The following TUBA1C variants were observed in gnomAD, a reference collection of about 807,000 sequenced individuals.
TUBA1C encodes tubulin alpha 1c.
A neutral mutation model predicts 34.9 loss-of-function variants in TUBA1C; 16 were observed. The ratio of observed to expected loss-of-function variants is 0.46; its 90% CI spans 0.31 to 0.70. The LOEUF (loss-of-function observed/expected upper bound fraction) is 0.70. Ranked by LOEUF, TUBA1C falls within the 30% of genes least tolerant of loss-of-function variation. The pLI is 0.05. For synonymous variants in TUBA1C, 177 were observed against 215.9 expected (o/e 0.82, Z 1.58); for missense variants, 329 against 587.3 (o/e 0.56, Z 4.55).
intron 1 of TUBA1C, 29 bp from the exon 2 acceptor site, chr12:49,269,436 C>A: frequency 6.2e-7 from 1 of 1,613,624 alleles, no homozygotes; most frequent in East Asian, 2.2e-5. Context: ...TGTATTATAC[C>A]CTGACATTTT....
upstream of TUBA1C, chr12:49,265,042 G>A: frequency 1.6e-6 from 2 of 1,217,786 alleles, no homozygotes; most frequent in East Asian, 3.1e-5. Flanking sequence ...CGTGGCCGGG[G>A]ACCGGGTATA....
At chr12:49,234,436 T>G (rs145012940) in intron 1 of TUBA1C, among the ~76,000 whole-genome samples, 2 of 152,362 alleles carry the variant, frequency 1.3e-5, no homozygotes, top group East Asian at 1.9e-4. Context: ...CAGAGTAGGC[T>G]TCCAGGTTTC....
At chr12:49,228,894 T>C (rs1025118560) in intron 1 of TUBA1C, among the ~76,000 whole-genome samples, 2 of 152,106 alleles carry the variant, frequency 1.3e-5, no homozygotes, top group Non-Finnish European at 2.9e-5. Context: ...ACTCTGCAGA[T>C]AAGGAAACTA....
intron 1 of TUBA1C, among the ~76,000 whole-genome samples, chr12:49,249,217 C>T (rs984023264): frequency 7.9e-5 from 12 of 152,190 alleles, no homozygotes; most frequent in African/African-American, 2.9e-4. Context: ...CCCCTGAGGT[C>T]GGGAGTTTGA....
Position 49,272,952 on chromosome 12 carries a change from C to T in TUBA1C, c.1075C>T (p.Pro359Ser). 2 of 1,614,216 alleles carry T rather than the reference C, an allele frequency of 1.2e-6. No individual in the cohort carries two copies. The highest frequency in any genetic ancestry group is 1.7e-6 in the Non-Finnish European group (2 of 1,180,048). The change falls in exon 4 of 4, where the codon CCT becomes TCT. Residue 359 changes from proline (P) to serine (S), a missense_variant. Around this residue, in one of 4 missense-constraint regions of TUBA1C, gnomAD observed 140 missense variants for 289.8 expected, o/e 0.48. Coordinates refer to ENST00000301072, the MANE Select transcript of TUBA1C (RefSeq NM_032704.5). ...TGFKVGINYQ[P>S]PTVVPGGDLA... ...CTTCAAGGTTGGCATTAATTACCAG[C>T]CTCCCACTGTGGTGCCTGGCGGAGA...
At chr12:49,270,231 T>C in intron 3 of TUBA1C, 1 of 651,100 alleles carries the variant, frequency 1.5e-6, no homozygotes, top group East Asian at 2.9e-5. Context: ...TTAGTCATAC[T>C]GAGTGAGTAG....
chr12:49,232,772 C>G (rs1482048011), intron 1 of TUBA1C: 1 of 152,118 alleles, frequency 6.6e-6, no homozygotes, highest in Non-Finnish European at 1.5e-5. Context: ...AAGTACAATC[C>G]CAAACACTCT....
chr12:49,229,698 C>T (rs2136982561), intron 1 of TUBA1C, among the ~76,000 whole-genome samples: 1 of 145,908 alleles, frequency 6.9e-6, no homozygotes, highest in Non-Finnish European at 1.5e-5. Flanking sequence ...TGTGTGTGTG[C>T]ACATCACATT....
chr12:49,250,387 G>A (rs1470176066), intron 1 of TUBA1C, among the ~76,000 whole-genome samples: 2 of 151,830 alleles, frequency 1.3e-5, no homozygotes, highest in African/African-American at 4.8e-5. Context: ...AGTCGGGCAT[G>A]GTGGCGGGCA....
At chr12:49,233,999 A>C (rs1942523731) in intron 1 of TUBA1C, 1 of 152,254 alleles carries the variant, frequency 6.6e-6, no homozygotes, top group African/African-American at 2.4e-5. Context: ...TAGGTGGAGA[A>C]AGGTGGTACC....
intron 1 of TUBA1C, among the ~76,000 whole-genome samples, chr12:49,253,121 G>A (rs2137004181): frequency 6.6e-6 from 1 of 151,350 alleles, no homozygotes; most frequent in East Asian, 1.9e-4. Context: ...TTTCAGGAGA[G>A]TGGGAAAGTG....
chr12:49,265,046 G>C (rs1486636331), upstream of TUBA1C: 4 of 1,233,676 alleles, frequency 3.2e-6, no homozygotes, highest in Non-Finnish European at 4.2e-6. Context: ...GCCGGGGACC[G>C]GGTATATAAG....
chr12:49,248,062 G>T (rs1942691287), intron 1 of TUBA1C, among the ~76,000 whole-genome samples: 1 of 151,214 alleles, frequency 6.6e-6, no homozygotes, highest in Admixed American at 6.6e-5. Flanking sequence ...AGATCACGAG[G>T]TCAGGAGATC....
exon 1 of TUBA1C, chr12:49,228,006 T>C (rs1393442593): frequency 6.5e-7 from 1 of 1,535,726 alleles, no homozygotes; most frequent in East Asian, 2.4e-5. Flanking sequence ...GAGTGCTTTG[T>C]GTGCTTGGAA....
chr12:49,273,378 A>G lies in TUBA1C; in HGVS notation c.*151A>G. The G allele has an allele frequency of 6.9e-7, 1 of 1,448,148 alleles. No homozygotes were observed. The highest frequency in any genetic ancestry group is 2.4e-5 in the East Asian group (1 of 41,402). 89.7% of individuals were successfully genotyped at this position (1,448,148 alleles called of 1,614,324 possible). On this transcript the variant is annotated 3_prime_UTR_variant, in exon 4 of 4. Coordinates refer to ENST00000301072, the MANE Select transcript of TUBA1C (RefSeq NM_032704.5). ...ACTTGATCCAGTTAAAGTTGGATGT[A>G]TGAGGCTGGTAGATGAAACCACCTG...
chr12:49,250,262 C>G (rs932259647), intron 1 of TUBA1C, among the ~76,000 whole-genome samples: 1 of 150,584 alleles, frequency 6.6e-6, no homozygotes, highest in African/African-American at 2.4e-5. Context: ...TGGTGGCTTG[C>G]GCCTGTAATC....
chr12:49,250,456 G>A (rs1310614043), intron 1 of TUBA1C, among the ~76,000 whole-genome samples: 10 of 150,712 alleles, frequency 6.6e-5, no homozygotes, highest in Admixed American at 1.3e-4. Context: ...CCTGGGAGGC[G>A]GAGCTTGCAG....
At chr12:49,248,822 C>T (rs1226380160) in intron 1 of TUBA1C, among the ~76,000 whole-genome samples, 20 of 144,644 alleles carry the variant, frequency 1.4e-4, no homozygotes, top group Non-Finnish European at 2.7e-4. Context: ...GAGCCAAGAT[C>T]GCGCCACTGC....
chr12:49,273,508 GCCT>G lies in TUBA1C; in HGVS notation c.*285_*287del. The G allele has an allele frequency of 2.1e-6, 1 of 476,694 alleles. No individual in the cohort carries two copies. The highest frequency in any genetic ancestry group is 2.0e-5 in the African/African-American group (1 of 50,870). The allele number at this position is 476,694 out of a possible 1,614,324, so 29.5% of individuals were successfully genotyped here. ...GGACTCATGTGATTCTCCTGCTTCA[GCCT>G]CCTAAGTAGCTGGGGACTGCAGGTG... On this transcript the variant is annotated 3_prime_UTR_variant, in exon 4 of 4. Transcript: ENST00000301072.
Sources: allele counts gnomAD v4.1 joint callset (sites outside exome capture counted in the v4.1 genomes callset), GRCh38; gene constraint gnomAD v4.1.1; regional missense constraint gnomAD v4.1.1; transcripts MANE v1.5; gene names NCBI Gene and HGNC (gene_info 2026-07-23, HGNC 2026-07-21).